The following C10orf90 variants were observed in gnomAD, a reference collection of about 807,000 sequenced individuals.
C10orf90 encodes chromosome 10 open reading frame 90, also known as (E2-independent) E3 ubiquitin-conjugating enzyme FATS.
A neutral mutation model predicts 62.5 loss-of-function variants in C10orf90; 56 were observed. The ratio of observed to expected loss-of-function variants is 0.90; its 90% CI spans 0.72 to 1.12. C10orf90 has a LOEUF of 1.12. C10orf90 is among the 50% of genes most tolerant of loss of function. The pLI is 0.00. For synonymous variants in C10orf90, 386 were observed against 340.4 expected, an observed-to-expected ratio of 1.13 and a Z score of -1.47; for missense variants, 970 against 880.4, an observed-to-expected ratio of 1.10 and a Z score of -1.29.
rs929076837 is a variant in C10orf90, at chr10:126,585,890, G to A, written c.313+60675C>T. ...TACATAGAAATGCAAATTCTCAAGC[G>A]ACCCTGGCCCCCGCCCCACAGAATA... On this transcript the variant is annotated intron_variant, in intron 2 of 9. Coordinates refer to ENST00000488181, the MANE Select transcript of C10orf90 (RefSeq NM_001350921.2). Among the ~76,000 whole-genome samples the A allele has an allele frequency of 3.9e-5, 6 of 152,186 alleles. No individual in the cohort carries two copies. The East Asian group carries it at 1.2e-3, about 30-fold the overall frequency.
chr10:126,647,770 C>A (rs968377991), intron 1 of C10orf90, among the ~76,000 whole-genome samples: 1 of 152,156 alleles, frequency 6.6e-6, no homozygotes, highest in Non-Finnish European at 1.5e-5. Flanking sequence ...TACATACATC[C>A]TCTCATTGAA....
rs200532901 is a variant in C10orf90, at chr10:126,504,022, T to C, written c.1469A>G (p.His490Arg). The change falls in exon 4 of 10, where the codon CAT (histidine) becomes CGT (arginine). Residue 490 changes from histidine (H) to arginine (R), a missense_variant. Physicochemically the swap from His to Arg is conservative, Grantham distance 29 (BLOSUM62 0). Transcript: ENST00000488181. The surrounding 1 kb of genome is among the most constrained non-coding windows in gnomAD (Gnocchi z 4.1). ...GTTGGCATGATCGCTGGCGTGACAA[T>C]GAGTTGTATGGTCCTTTTCCCCTTT... ...VRKGEKDHTT[H>R]CHASDHANQL... is the part of the protein sequence containing the mutation. 2 of 1,614,012 alleles carry C rather than the reference T, an allele frequency of 1.2e-6. No homozygotes were observed. The highest frequency in any genetic ancestry group is 1.7e-6 in the Non-Finnish European group (2 of 1,180,028).
At chr10:126,434,348 G>A (rs1055234770) in intron 7 of C10orf90, among the ~76,000 whole-genome samples, 14 of 152,180 alleles carry the variant, frequency 9.2e-5, no homozygotes, top group African/African-American at 1.9e-4. Context: ...AGCATGATTC[G>A]TTGTTTTTGG....
intron 4 of C10orf90, among the ~76,000 whole-genome samples, chr10:126,479,051 G>A (rs1861041351): frequency 6.6e-6 from 1 of 152,120 alleles, no homozygotes. Flanking sequence ...CTAGGGTGGG[G>A]AATGGGGCTG....
intron 2 of C10orf90, among the ~76,000 whole-genome samples, chr10:126,565,145 A>AAATATGTAATATAATATTTATATTACAT (rs1844320718): frequency 5.2e-4 from 3 of 5,824 alleles, no homozygotes; most frequent in African/African-American, 1.4e-3. Context: ...ATATAATATT[A>AAATATGTAATATAATATTTATATTACAT]AATATGTAAT....
intron 2 of C10orf90, among the ~76,000 whole-genome samples, chr10:126,555,511 CAAA>C (rs10541392): frequency 9.4e-5 from 14 of 148,280 alleles, no homozygotes; most frequent in East Asian, 4.0e-4. Context: ...CTGTGTCTAC[CAAA>C]AAAAAAAACA....
chr10:126,535,988 T>C (rs1037693634), intron 2 of C10orf90, among the ~76,000 whole-genome samples: 1 of 152,144 alleles, frequency 6.6e-6, no homozygotes, highest in African/African-American at 2.4e-5. Context: ...GAAGTTTTTT[T>C]CCACTTGTGT....
At chr10:126,532,698 A>G (rs746099395) in intron 2 of C10orf90, among the ~76,000 whole-genome samples, 27 of 150,330 alleles carry the variant, frequency 1.8e-4, no homozygotes, top group Non-Finnish European at 3.6e-4. Context: ...TTAGCCGGGC[A>G]TGGTGGCGGG....
At chr10:126,527,707 G>T (rs1367016136) in intron 2 of C10orf90, among the ~76,000 whole-genome samples, 2 of 152,180 alleles carry the variant, frequency 1.3e-5, no homozygotes, top group African/African-American at 4.8e-5. Flanking sequence ...GGATTGTGAT[G>T]TCTATTTCAT....
intron 2 of C10orf90, among the ~76,000 whole-genome samples, chr10:126,642,782 A>G (rs1459923894): frequency 2.0e-5 from 3 of 152,116 alleles, no homozygotes; most frequent in Non-Finnish European, 4.4e-5. Flanking sequence ...CTGCTTCGCG[A>G]GCATCTGGAG....
At chr10:126,482,086 C>A (rs908025360) in intron 4 of C10orf90, among the ~76,000 whole-genome samples, 1 of 152,200 alleles carries the variant, frequency 6.6e-6, no homozygotes, top group African/African-American at 2.4e-5. Flanking sequence ...TTTGTCTCTA[C>A]TTTGCTGATT....
chr10:126,498,436 C>T (rs779467898), intron 4 of C10orf90, among the ~76,000 whole-genome samples: 4 of 152,208 alleles, frequency 2.6e-5, no homozygotes, highest in Non-Finnish European at 4.4e-5. Flanking sequence ...CTGCACTAGC[C>T]TCCTCATACG....
intron 2 of C10orf90, among the ~76,000 whole-genome samples, chr10:126,612,600 T>A (rs1034292501): frequency 2.6e-5 from 4 of 152,164 alleles, no homozygotes; most frequent in Admixed American, 6.6e-5. Context: ...GATAAAAGGG[T>A]GTCTTTTTTA....
At chr10:126,605,592 T>C (rs942145372) in intron 2 of C10orf90, among the ~76,000 whole-genome samples, 7 of 152,140 alleles carry the variant, frequency 4.6e-5, no homozygotes, top group African/African-American at 1.7e-4. Context: ...AGCCCCTAGC[T>C]CTGCAGAGAA....
At chr10:126,467,617 A>G (rs187401582) in intron 4 of C10orf90, among the ~76,000 whole-genome samples, 11 of 152,314 alleles carry the variant, frequency 7.2e-5, no homozygotes, top group Non-Finnish European at 1.6e-4. Flanking sequence ...TGAGTCTGAC[A>G]CATGGAGAGG....
At position 126,425,181 on chromosome 10, in the gene C10orf90, G is replaced by A. The variant is rs1027382839; in HGVS notation, c.*683C>T. 2.0e-5 allele frequency: 3 copies of A among 152,112 alleles called. No homozygotes were observed. In the East Asian group the frequency reaches 5.8e-4, roughly 29 times the overall value. The allele number at this position is 152,112 out of a possible 1,614,324, so 9.4% of individuals were successfully genotyped here. ...CTGTTTTAATGGGGCGGGGCAGGAG[G>A]AGTATTGTAGAAAACACTGAAGTTA... On this transcript the variant is annotated 3_prime_UTR_variant, in exon 10 of 10. Transcript: ENST00000488181.
chr10:126,553,835 C>T (rs541568842), intron 2 of C10orf90, among the ~76,000 whole-genome samples: 1 of 152,206 alleles, frequency 6.6e-6, no homozygotes, highest in African/African-American at 2.4e-5. Context: ...AGAAGAAATG[C>T]TCAAATTAAA....
At chr10:126,605,713 G>A (rs1017976192) in intron 2 of C10orf90, among the ~76,000 whole-genome samples, 1 of 152,162 alleles carries the variant, frequency 6.6e-6, no homozygotes, top group Non-Finnish European at 1.5e-5. Flanking sequence ...CCTGCCAGGT[G>A]TGGCATTGCT....
chr10:126,429,040 C>T (rs1054670217), intron 8 of C10orf90, among the ~76,000 whole-genome samples: 11 of 151,990 alleles, frequency 7.2e-5, no homozygotes, highest in Non-Finnish European at 1.3e-4. Context: ...TCTTTAAGTG[C>T]GCTATCAATT....
Sources: allele counts gnomAD v4.1 joint callset (sites outside exome capture counted in the v4.1 genomes callset), GRCh38; gene constraint gnomAD v4.1.1; non-coding constraint Gnocchi (gnomAD v3.1); transcripts MANE v1.5; gene names NCBI Gene and HGNC (gene_info 2026-07-23, HGNC 2026-07-21).